WHRN: variants seen among roughly 807,000 people sequenced by gnomAD.
WHRN encodes CASK-interacting protein CIP98.
A neutral mutation model predicts 68.3 loss-of-function variants in WHRN; 41 were observed. The ratio of observed to expected loss-of-function variants is 0.60; its 90% CI spans 0.47 to 0.78. The LOEUF (loss-of-function observed/expected upper bound fraction) is 0.78, where lower values mean the gene tolerates loss of function less well. WHRN is among the 30% of genes least tolerant of loss of function. The pLI is 0.00. For missense variants in WHRN, 1,243 were observed against 1,244.7 expected, an observed-to-expected ratio of 1.00 and a Z score of 0.02; for synonymous variants, 560 against 561.3, an observed-to-expected ratio of 1.00 and a Z score of 0.03.
Position 114,425,846 on chromosome 9 carries a change from A to G in WHRN, c.1166+365T>C, listed in dbSNP as rs1836801855. 5 of 349,142 alleles carry G rather than the reference A, an allele frequency of 1.4e-5. No homozygotes were observed. The Admixed American group carries it at 2.0e-4, about 14-fold the overall frequency. The allele number at this position is 349,142 out of a possible 1,614,324, so 21.6% of individuals were successfully genotyped here. A position where few individuals can be genotyped will look rare whatever the true frequency, so the allele number is the denominator to read the frequency against. The stretch of plus-strand genomic sequence containing the variant: ...AGCCTGGTGGCCTCTGGCCAAATAC[A>G]CCCCAAAGCATCTCTCTCTTTCCCT... On this transcript the variant is annotated intron_variant, in intron 4 of 11. Coordinates refer to ENST00000362057, the MANE Select transcript of WHRN (RefSeq NM_015404.4).
In WHRN at chr9:114,472,445, T is replaced by G. The variant is rs557818827; in HGVS notation, c.838-6053A>C. ...GATAGGACGGATCCGTGTATGATCATTTCCTTGTCAGCTTCAGATCCTTTC... is the reference window on the plus strand; with the variant it reads ...GATAGGACGGATCCGTGTATGATCAGTTCCTTGTCAGCTTCAGATCCTTTC... On this transcript the variant is annotated intron_variant, in intron 2 of 11. Transcript: ENST00000362057. Among the ~76,000 whole-genome samples the G allele has an allele frequency of 9.2e-5, 14 of 152,300 alleles. No homozygotes were observed. The South Asian group carries it at 1.9e-3, about 20-fold the overall frequency.
At chr9:114,464,158 C>A (rs1840469335) in intron 3 of WHRN, among the ~76,000 whole-genome samples, 1 of 152,204 alleles carries the variant, frequency 6.6e-6, no homozygotes, top group Non-Finnish European at 1.5e-5. Flanking sequence ...ACAGAACCTA[C>A]TTTCACGGGA....
intron 4 of WHRN, chr9:114,425,694 A>C: frequency 4.2e-6 from 1 of 239,236 alleles, no homozygotes; most frequent in Non-Finnish European, 8.2e-6. Flanking sequence ...GGTGGCCACC[A>C]GCCTGAGATT....
chr9:114,423,516 A>G lies in WHRN; in HGVS notation c.1424T>C (p.Leu475Pro), dbSNP rs750630613. 1 of 1,607,334 alleles carries G rather than the reference A, an allele frequency of 6.2e-7. No individual in the cohort carries two copies. Among genetic ancestry groups the G allele is most frequent in the Admixed American group, 1.7e-5 (1 of 59,754 alleles). The change falls in exon 7 of 12, where the codon CTC becomes CCC. Residue 475 changes from leucine (L) to proline (P), a missense_variant. Coordinates refer to ENST00000362057, the MANE Select transcript of WHRN (RefSeq NM_015404.4). ...KLLNTHAKFS[L>P]LSEVRGTISP... ...AATGGTGCCTCTCACCTCAGAGAGG[A>G]GTGAGAACTGGAGGCGGGGACAAAA...
chr9:114,429,574 G>C (rs1213944600), intron 3 of WHRN, among the ~76,000 whole-genome samples: 2 of 152,124 alleles, frequency 1.3e-5, no homozygotes, highest in Non-Finnish European at 2.9e-5. Flanking sequence ...TTATGTCTCT[G>C]AGCTCCCCGG....
chr9:114,425,630 C>G (rs112789426), intron 4 of WHRN: 112 of 232,712 alleles, frequency 4.8e-4, no homozygotes, highest in Non-Finnish European at 7.0e-4. Flanking sequence ...CACACACACA[C>G]AGAGAGACAC....
rs895085007 is a variant in WHRN at position 114,413,327 on chromosome 9, G to A, written c.1627-5309C>T. On this transcript the variant is annotated intron_variant, in intron 7 of 11. Coordinates refer to ENST00000362057, the MANE Select transcript of WHRN (RefSeq NM_015404.4). ...GCAAAGAAAAGAGCAGGGCAAGTCC[G>A]GTGGCACGGCCAGAGCTGGGCTGGG... is the stretch of plus-strand genomic sequence containing the variant. Among the ~76,000 whole-genome samples, 6 of 152,236 alleles carry A rather than the reference G, an allele frequency of 3.9e-5. 1 individual carries two copies. In the South Asian group the frequency reaches 6.2e-4, roughly 16 times the overall value.
chr9:114,422,821 C>T (rs1836429190), intron 7 of WHRN, among the ~76,000 whole-genome samples: 1 of 152,066 alleles, frequency 6.6e-6, no homozygotes, highest in Non-Finnish European at 1.5e-5. Flanking sequence ...GGTGACAGAG[C>T]AAGAAGCCAT....
chr9:114,463,987 C>T (rs1370319049), intron 3 of WHRN, among the ~76,000 whole-genome samples: 1 of 152,206 alleles, frequency 6.6e-6, no homozygotes, highest in Non-Finnish European at 1.5e-5. Context: ...AAATGGTGCT[C>T]ACCAAAGGGT....
intron 3 of WHRN, among the ~76,000 whole-genome samples, chr9:114,443,516 C>T (rs1838560580): frequency 6.6e-6 from 1 of 152,236 alleles, no homozygotes; most frequent in African/African-American, 2.4e-5. Flanking sequence ...CTGGTTCCCT[C>T]CTTCTGATTC....
Position 114,402,823 on chromosome 9 carries a change from G to A in WHRN, c.2655C>T (p.Ala885=), listed in dbSNP as rs775402871. Residue 885 remains alanine (A), a synonymous_variant, in exon 12 of 12, where the codon GCC becomes GCT. Coordinates refer to ENST00000362057, the MANE Select transcript of WHRN (RefSeq NM_015404.4). ...KEHREAARII[A]EAFKTKDRDY... is the part of the protein sequence containing the mutation. ...CACGGTCCTTAGTCTTGAAGGCCTC[G>A]GCGATAATGCGGGCGGCCTCCCGGT... 18 of 1,613,996 alleles carry A rather than the reference G, an allele frequency of 1.1e-5. No individual in the cohort carries two copies. Among genetic ancestry groups the A allele is most frequent in the Non-Finnish European group, 1.4e-5 (16 of 1,180,050 alleles).
At chr9:114,454,685 A>T (rs1336969532) in intron 3 of WHRN, among the ~76,000 whole-genome samples, 16 of 147,698 alleles carry the variant, frequency 1.1e-4, no homozygotes, top group Admixed American at 7.2e-4. Flanking sequence ...CCAGGAAGCT[A>T]TATTTTTTTT....
intron 3 of WHRN, among the ~76,000 whole-genome samples, chr9:114,439,978 T>C (rs1208815712): frequency 1.3e-5 from 2 of 152,208 alleles, no homozygotes; most frequent in African/African-American, 4.8e-5. Flanking sequence ...AGTGGTGTGA[T>C]CTCAGCTCAT....
intron 7 of WHRN, among the ~76,000 whole-genome samples, chr9:114,421,500 C>G (rs1836281793): frequency 6.6e-6 from 1 of 152,256 alleles, no homozygotes; most frequent in Non-Finnish European, 1.5e-5. Flanking sequence ...GGGCTCAAAC[C>G]TAGACCTCCT....
intron 1 of WHRN, chr9:114,503,718 C>T (rs1844135055): frequency 5.9e-6 from 1 of 170,654 alleles, no homozygotes; most frequent in Admixed American, 5.6e-5. Flanking sequence ...AAAACAGCAG[C>T]GTCAAGCCAG....
chr9:114,412,198 C>T lies in WHRN; in HGVS notation c.1627-4180G>A, dbSNP rs1449472197. On this transcript the variant is annotated intron_variant, in intron 7 of 11. Coordinates refer to ENST00000362057, the MANE Select transcript of WHRN (RefSeq NM_015404.4). ...CAGACGCTCAGGAGTCCCAAGTCCC[C>T]GAGCCATGTTCCTTATGCATCTGAA... Among the ~76,000 whole-genome samples the T allele has an allele frequency of 3.9e-5, 6 of 152,222 alleles. No individual in the cohort carries two copies. In the East Asian group the frequency reaches 5.8e-4, roughly 15 times the overall value.
intron 1 of WHRN, among the ~76,000 whole-genome samples, chr9:114,493,702 A>G (rs1187885887): frequency 6.6e-6 from 1 of 152,222 alleles, no homozygotes; most frequent in Non-Finnish European, 1.5e-5. Context: ...GGTGAGAGAG[A>G]TAAGAGAGAG....
intron 3 of WHRN, among the ~76,000 whole-genome samples, chr9:114,432,544 T>G (rs1446293172): frequency 6.6e-6 from 1 of 152,204 alleles, no homozygotes; most frequent in Non-Finnish European, 1.5e-5. Flanking sequence ...CCCAGGAGTC[T>G]CTGACTAATT....
chr9:114,453,102 A>C (rs1839479166), intron 3 of WHRN, among the ~76,000 whole-genome samples: 1 of 152,214 alleles, frequency 6.6e-6, no homozygotes, highest in South Asian at 2.1e-4. Context: ...TATAAAGAAA[A>C]GAGGTTTATC....
Sources: gnomAD v4.1 joint callset for allele counts (sites outside exome capture counted in the v4.1 genomes callset) on GRCh38, gnomAD v4.1.1 for gene constraint, MANE v1.5 for transcripts, NCBI Gene and HGNC (gene_info 2026-07-23, HGNC 2026-07-21) for gene names.